Variants in LAMA3 observed in about 807,000 individuals in gnomAD.
The protein encoded by LAMA3 is laminin subunit alpha 3, also known as laminin subunit alpha-3.
Under a neutral mutation model 402.0 loss-of-function variants are expected in LAMA3, and 281 were observed. The observed-to-expected ratio is 0.70, with a 90% CI of 0.63 to 0.77. LAMA3 has a LOEUF of 0.77. Ranked by LOEUF, LAMA3 falls within the 30% of genes least tolerant of loss-of-function variation. The pLI is 0.00. For missense variants in LAMA3, 3,840 were observed against 4,215.5 expected (o/e 0.91, Z 2.47); for synonymous variants, 1,431 against 1,558.4 (o/e 0.92, Z 1.93).
In LAMA3 at chr18:23,690,456, T is replaced by G. The variant is rs953363169; in HGVS notation, c.294+479T>G. On this transcript the variant is annotated intron_variant, in intron 1 of 74. Coordinates refer to ENST00000313654, the MANE Select transcript of LAMA3 (RefSeq NM_198129.4). ...TTATAACAGCGGTATCACTCTAATG[T>G]TACTGAAAAGATTCACTTCACTGCA... Among the ~76,000 whole-genome samples the G allele has an allele frequency of 2.0e-5, 3 of 152,208 alleles. No individual in the cohort carries two copies. In the South Asian group the frequency reaches 6.2e-4, roughly 31 times the overall value.
chr18:23,871,494 T>C lies in LAMA3; in HGVS notation c.4831T>C (p.Ser1611Pro). 6.2e-7 allele frequency: 1 copy of C among 1,614,118 alleles called. No homozygotes were observed. The highest frequency in any genetic ancestry group is 8.5e-7 in the Non-Finnish European group (1 of 1,180,012). The change falls in exon 38 of 75, where the codon TCT becomes CCT. Residue 1611 changes from serine (S) to proline (P), a missense_variant. Physicochemically the swap from Ser to Pro is moderately conservative, Grantham distance 74 (BLOSUM62 -1). Around this residue, in one of 3 missense-constraint regions of LAMA3, gnomAD observed 2,109 missense variants for 2,376.0 expected, o/e 0.89. Coordinates refer to ENST00000313654, the MANE Select transcript of LAMA3 (RefSeq NM_198129.4). ...VSREELMTVLSRLADVRIQGL... is the reference protein window; with the variant it reads ...VSREELMTVLPRLADVRIQGL... ...TAGGGAGGAGCTGATGACAGTGCTG[T>C]CTAGACTGGCAGATGTGCGCATCCA... is the stretch of plus-strand genomic sequence containing the variant.
At chr18:23,807,405 A>G (rs977228752) in intron 12 of LAMA3, among the ~76,000 whole-genome samples, 3 of 152,118 alleles carry the variant, frequency 2.0e-5, no homozygotes, top group African/African-American at 7.2e-5. Context: ...ATAGATAGGT[A>G]CGTAGATAGA....
At position 23,904,054 on chromosome 18, in the gene LAMA3, G is replaced by C; in HGVS notation, c.6440G>C (p.Arg2147Pro). ...SLVEEAEKHA[R>P]SLQELAKQLE... is the part of the protein sequence containing the mutation. ...GTGGAGGAGGCAGAAAAGCACGCGCGGTCCTTACAAGAGCTGGCAAAGCAG... is the reference window on the plus strand; with the variant it reads ...GTGGAGGAGGCAGAAAAGCACGCGCCGTCCTTACAAGAGCTGGCAAAGCAG... The change falls in exon 50 of 75, where the codon CGG (arginine) becomes CCG (proline). Residue 2147 changes from arginine to proline, a missense_variant. Around this residue, in one of 3 missense-constraint regions of LAMA3, gnomAD observed 891 missense variants for 857.5 expected, o/e 1.04. Coordinates refer to ENST00000313654, the MANE Select transcript of LAMA3 (RefSeq NM_198129.4). The C allele has an allele frequency of 6.2e-7, 1 of 1,613,958 alleles. No individual in the cohort carries two copies. The highest frequency in any genetic ancestry group is 8.5e-7 in the Non-Finnish European group (1 of 1,180,042).
Position 23,890,109 on chromosome 18 carries a change from T to A in LAMA3, c.5402T>A (p.Leu1801Gln), listed in dbSNP as rs752198215. 12 of 1,611,188 alleles carry A rather than the reference T, an allele frequency of 7.4e-6. No homozygotes were observed. The highest frequency in any genetic ancestry group is 1.0e-5 in the Non-Finnish European group (12 of 1,177,268). ...GGCCAGCTGGGCAGCTGTCATCCCC[T>A]GACTGGAGGTAAGGCCGACCCACAC... ...SNGQLGSCHPLTGDCINQEPK... is the reference protein window; with the variant it reads ...SNGQLGSCHPQTGDCINQEPK... Residue 1801 changes from leucine (L) to glutamine (Q), a missense_variant, in exon 42 of 75, where the codon CTG (leucine) becomes CAG (glutamine). Transcript: ENST00000313654.
chr18:23,898,001 C>T (rs780845975), intron 44 of LAMA3, among the ~76,000 whole-genome samples: 1 of 152,060 alleles, frequency 6.6e-6, no homozygotes, highest in African/African-American at 2.4e-5. Context: ...TTCTTTTACC[C>T]AACACTGGTT....
intron 20 of LAMA3, 79 bp from the exon 21 acceptor site, chr18:23,824,344 A>G (rs1223103671): frequency 6.2e-6 from 9 of 1,451,310 alleles, no homozygotes; most frequent in African/African-American, 1.4e-5. Context: ...TGTAAACTGA[A>G]TGTTCAAAAC....
At chr18:23,712,521 T>G (rs542433039) in intron 1 of LAMA3, among the ~76,000 whole-genome samples, 2 of 151,158 alleles carry the variant, frequency 1.3e-5, no homozygotes, top group South Asian at 2.1e-4. Context: ...TGTGTTGGGT[T>G]GAAGTGATAG....
chr18:23,874,270 TA>T (rs2144842359), intron 38 of LAMA3, among the ~76,000 whole-genome samples: 1 of 152,380 alleles, frequency 6.6e-6, no homozygotes, highest in African/African-American at 2.4e-5. Context: ...TATACACTGA[TA>T]ATTATAAGTT....
At chr18:23,844,952 G>T in intron 29 of LAMA3, 57 bp from the exon 30 acceptor site, 1 of 974,178 alleles carries the variant, frequency 1.0e-6, no homozygotes, top group Non-Finnish European at 1.7e-6. Flanking sequence ...ATAATAAGTA[G>T]CCTTAGGTCT....
chr18:23,724,704 C>A (rs1442342387), intron 2 of LAMA3, among the ~76,000 whole-genome samples: 3 of 152,206 alleles, frequency 2.0e-5, no homozygotes, highest in Non-Finnish European at 4.4e-5. Context: ...CACACTTGGG[C>A]TTTAAATCAT....
At chr18:23,881,078 T>G (rs73400330) in intron 39 of LAMA3, among the ~76,000 whole-genome samples, 10,095 of 152,234 alleles carry the variant, frequency 0.066, 849 homozygotes, top group East Asian at 0.4. Context: ...GATGTTTCTG[T>G]GCATTTAGAT....
chr18:23,911,562 T>A (rs2081424473), intron 55 of LAMA3, among the ~76,000 whole-genome samples: 1 of 151,950 alleles, frequency 6.6e-6, no homozygotes, highest in African/African-American at 2.4e-5. Flanking sequence ...AATTTGAATA[T>A]GTTTTACAAA....
chr18:23,859,231 A>T (rs945727012), intron 34 of LAMA3, among the ~76,000 whole-genome samples: 1 of 152,224 alleles, frequency 6.6e-6, no homozygotes, highest in Non-Finnish European at 1.5e-5. Flanking sequence ...TTTCCCCTTT[A>T]AAAGAAAACC....
intron 9 of LAMA3, among the ~76,000 whole-genome samples, chr18:23,774,812 TA>T (rs145809364): frequency 6.6e-6 from 1 of 152,156 alleles, no homozygotes; most frequent in Admixed American, 6.5e-5. Flanking sequence ...TCTTAGTTGT[TA>T]AAAAAAATGT....
chr18:23,936,010 T>C (rs1046151412), intron 67 of LAMA3, among the ~76,000 whole-genome samples: 3 of 151,980 alleles, frequency 2.0e-5, no homozygotes, highest in Non-Finnish European at 4.4e-5. Flanking sequence ...ACATGCTGCA[T>C]GCATCCTCAC....
chr18:23,720,787 A>G (rs1334419302), intron 2 of LAMA3, among the ~76,000 whole-genome samples: 1 of 152,174 alleles, frequency 6.6e-6, no homozygotes, highest in Non-Finnish European at 1.5e-5. Context: ...AGTAACTTCA[A>G]AGTGTTAATT....
intron 7 of LAMA3, among the ~76,000 whole-genome samples, chr18:23,762,012 T>C (rs1480649644): frequency 1.3e-5 from 2 of 152,010 alleles, no homozygotes; most frequent in African/African-American, 4.8e-5. Flanking sequence ...AGCCCAGTAG[T>C]TGGAGATCAG....
intron 7 of LAMA3, among the ~76,000 whole-genome samples, chr18:23,760,187 TTTAAAA>T (rs2061940560): frequency 6.6e-6 from 1 of 152,226 alleles, no homozygotes; most frequent in Non-Finnish European, 1.5e-5. Flanking sequence ...TTTTTATCCT[TTTAAAA>T]TGTATTAAAT....
intron 8 of LAMA3, among the ~76,000 whole-genome samples, chr18:23,768,989 G>A (rs534152360): frequency 1.3e-5 from 2 of 152,296 alleles, no homozygotes; most frequent in East Asian, 3.9e-4. Flanking sequence ...GACTACTAGA[G>A]GGGAGAGCGA....
Sources: allele counts gnomAD v4.1 joint callset (sites outside exome capture counted in the v4.1 genomes callset), GRCh38; gene constraint gnomAD v4.1.1; regional missense constraint gnomAD v4.1.1; transcripts MANE v1.5; gene names NCBI Gene and HGNC (gene_info 2026-07-23, HGNC 2026-07-21).